The following GPHN variants were observed in gnomAD, a reference collection of about 807,000 sequenced individuals.
GPHN encodes gephyrin.
A neutral mutation model predicts 95.5 loss-of-function variants in GPHN; 17 were observed. The ratio of observed to expected loss-of-function variants is 0.18; its 90% confidence interval spans 0.12 to 0.27. The LOEUF is 0.27. Among genes scored for constraint, GPHN ranks in the 10% least tolerant of loss-of-function variants. GPHN has a pLI of 1.00. For missense variants in GPHN, 660 were observed against 978.1 expected (o/e 0.67, Z 4.34); for synonymous variants, 320 against 322.5 (o/e 0.99, Z 0.08).
At chr14:67,573,453 T>C in the GPHN span, 2 of 1,057,824 alleles carry the variant, frequency 1.9e-6, no homozygotes, top group African/African-American at 3.1e-5. This position sits in a 1 kb window ranked among gnomAD's most constrained non-coding sequence, Gnocchi z 4.8. Context: ...CTATGTCAGA[T>C]GGGACGGAGG....
At chr14:66,987,807 G>C (rs1345804165) in intron 9 of GPHN, among the ~76,000 whole-genome samples, 1 of 152,062 alleles carries the variant, frequency 6.6e-6, no homozygotes, top group Non-Finnish European at 1.5e-5. Flanking sequence ...AAAGACCTTT[G>C]ATGTTTGAAA....
intron 2 of GPHN, among the ~76,000 whole-genome samples, chr14:66,697,515 T>C (rs1020389082): frequency 1.3e-5 from 2 of 152,152 alleles, no homozygotes; most frequent in South Asian, 2.1e-4. Flanking sequence ...ACAAATTAGA[T>C]TGGAGATACT....
the GPHN span, among the ~76,000 whole-genome samples, chr14:67,391,634 G>A: frequency 1.2e-4 from 19 of 152,306 alleles, no homozygotes; most frequent in South Asian, 3.9e-3. Flanking sequence ...ACATTCACAT[G>A]GTATACAATA....
rs893431136 is a variant in GPHN, at chr14:66,956,581, C to A, written c.829-8610C>A. Among the ~76,000 whole-genome samples the A allele has an allele frequency of 6.6e-5, 10 of 151,838 alleles. No homozygotes were observed. In the South Asian group the frequency reaches 1.7e-3, roughly 25 times the overall value. The stretch of plus-strand genomic sequence containing the variant: ...GACTTTTTAATGATCGCCATTCTAA[C>A]TGGTGTGAGATGGTATCTCATTGTG... On this transcript the variant is annotated intron_variant, in intron 8 of 22. Transcript: ENST00000478722.
the GPHN span, chr14:67,503,422 T>C: frequency 2.0e-5 from 3 of 152,200 alleles, no homozygotes; most frequent in East Asian, 1.9e-4. Flanking sequence ...GCTGGGGAGA[T>C]ACGTTTGGAA....
the GPHN span, chr14:67,678,106 C>G: frequency 2.0e-6 from 1 of 490,964 alleles, no homozygotes; most frequent in Admixed American, 3.4e-5. Context: ...TCTAGTAACT[C>G]TGGCAGTAAC....
intron 21 of GPHN, 155 bp downstream of exon 21, chr14:67,169,191 G>C: frequency 1.5e-6 from 1 of 655,524 alleles, no homozygotes; most frequent in Non-Finnish European, 2.7e-6. Flanking sequence ...AAATGTAGGA[G>C]AAAGGGTCCC....
chr14:67,312,393 C>A, the GPHN span: 3 of 567,546 alleles, frequency 5.3e-6, no homozygotes, highest in Non-Finnish European at 8.4e-6. Context: ...TCCTGGACAA[C>A]ATACTGAGAT....
rs531967530 is a variant in GPHN, at chr14:67,036,255, C to G, written c.1006+12580C>G. On this transcript the variant is annotated intron_variant, in intron 10 of 22. Transcript: ENST00000478722. ...TAATAAAGGTCATTTATGAAAAGCT[C>G]ATAACATAACATACTAAATGGTGAA... Among the ~76,000 whole-genome samples, 75 of 150,286 alleles carry G rather than the reference C, an allele frequency of 5.0e-4. 1 individual carries two copies. Among genetic ancestry groups the G allele is most frequent in the Non-Finnish European group, 7.4e-5 (5 of 67,488 alleles).
At position 66,508,382 on chromosome 14, in the gene GPHN, G is replaced by A; in HGVS notation, c.-146G>A. The A allele has an allele frequency of 1.3e-6, 1 of 780,796 alleles. No homozygotes were observed. Among genetic ancestry groups the A allele is most frequent in the Non-Finnish European group, 2.3e-6 (1 of 440,698 alleles). The allele number at this position is 780,796 out of a possible 1,614,324, so 48.4% of individuals were successfully genotyped here. ...CCCCACGCAGGCCACCGTGCACTCT[G>A]TGGCCTCCCCCTCCTTCCCCGCTCT... On this transcript the variant is annotated 5_prime_UTR_variant, in exon 1 of 23. The change creates a new upstream start codon in the 5' untranslated region. Transcript: ENST00000478722.
chr14:67,668,305 G>A, the GPHN span, among the ~76,000 whole-genome samples: 1 of 152,158 alleles, frequency 6.6e-6, no homozygotes, highest in Admixed American at 6.5e-5. Context: ...GTAAAACCAA[G>A]AGTAGAAATT....
intron 2 of GPHN, among the ~76,000 whole-genome samples, chr14:66,745,406 A>C (rs1054775716): frequency 2.6e-5 from 4 of 152,086 alleles, no homozygotes; most frequent in African/African-American, 9.6e-5. Context: ...TACTCTTATC[A>C]TATGCTGGAA....
chr14:66,931,170 C>G (rs539412384), intron 8 of GPHN, among the ~76,000 whole-genome samples: 1 of 152,186 alleles, frequency 6.6e-6, no homozygotes, highest in South Asian at 2.1e-4. Flanking sequence ...TTAAAATTTG[C>G]CATTCTCTCC....
At chr14:66,860,604 G>T (rs982088706) in intron 4 of GPHN, among the ~76,000 whole-genome samples, 1 of 151,984 alleles carries the variant, frequency 6.6e-6, no homozygotes, top group Non-Finnish European at 1.5e-5. Flanking sequence ...TTTTAAGACT[G>T]TGATTGTGGT....
intron 1 of GPHN, among the ~76,000 whole-genome samples, chr14:66,543,573 A>C (rs900364428): frequency 5.3e-5 from 8 of 152,136 alleles, no homozygotes; most frequent in Admixed American, 5.2e-4. Flanking sequence ...TGACATTACT[A>C]TTTGGGTGTC....
intron 2 of GPHN, among the ~76,000 whole-genome samples, chr14:66,758,340 T>C (rs1408672422): frequency 6.6e-6 from 1 of 152,036 alleles, no homozygotes; most frequent in African/African-American, 2.4e-5. Flanking sequence ...ACTCTAATTT[T>C]CCCCCTCTGA....
At chr14:67,635,793 A>C in the GPHN span, among the ~76,000 whole-genome samples, 1 of 152,214 alleles carries the variant, frequency 6.6e-6, no homozygotes, top group African/African-American at 2.4e-5. Flanking sequence ...TGGAGGTTGC[A>C]GTGAGCCAAG....
At chr14:66,806,681 CTT>C (rs1595965499) in intron 3 of GPHN, among the ~76,000 whole-genome samples, 1 of 152,198 alleles carries the variant, frequency 6.6e-6, no homozygotes, top group African/African-American at 2.4e-5. Context: ...CTGCCAGTCT[CTT>C]TGCAAAAACA....
intron 3 of GPHN, among the ~76,000 whole-genome samples, chr14:66,807,067 A>G (rs1051809462): frequency 2.6e-5 from 4 of 152,236 alleles, no homozygotes; most frequent in Non-Finnish European, 2.9e-5. Flanking sequence ...ACAGTTTCAC[A>G]TGGCTGGGAG....
Sources: gnomAD v4.1 joint callset for allele counts (sites outside exome capture counted in the v4.1 genomes callset) on GRCh38, gnomAD v4.1.1 for gene constraint, Gnocchi (gnomAD v3.1) non-coding constraint, MANE v1.5 for transcripts, NCBI Gene and HGNC (gene_info 2026-07-23, HGNC 2026-07-21) for gene names.